Variants in PDE1C observed in about 807,000 individuals in gnomAD.
The protein encoded by PDE1C is phosphodiesterase 1C, also known as dual specificity calcium/calmodulin-dependent 3',5'-cyclic nucleotide phosphodiesterase 1C.
Under a neutral mutation model 93.1 loss-of-function variants are expected in PDE1C, and 62 were observed. That is an observed-to-expected ratio of 0.67 (90% confidence interval 0.54 to 0.82). The LOEUF (loss-of-function observed/expected upper bound fraction) is 0.82. Among genes scored for constraint, PDE1C ranks in the 40% least tolerant of loss-of-function variants. The pLI is 0.00. For synonymous variants in PDE1C, 325 were observed against 310.1 expected, an observed-to-expected ratio of 1.05 and a Z score of -0.50; for missense variants, 742 against 884.6, an observed-to-expected ratio of 0.84 and a Z score of 2.04.
intron 2 of PDE1C, among the ~76,000 whole-genome samples, chr7:31,934,353 C>T (rs2128987203): frequency 6.6e-6 from 1 of 152,214 alleles, no homozygotes; most frequent in African/African-American, 2.4e-5. Flanking sequence ...AGGTTCTTAG[C>T]CTTAGTTTAT....
At chr7:32,145,239 A>G (rs905092583) in intron 3 of PDE1C, among the ~76,000 whole-genome samples, 3 of 152,188 alleles carry the variant, frequency 2.0e-5, no homozygotes, top group Admixed American at 6.5e-5. Context: ...GGAACGAGGG[A>G]CCTGAGCCAA....
rs78405155 is a variant in PDE1C at position 32,139,120 on chromosome 7, T to C, written c.308+30665A>G. 6.6e-5 allele frequency among the ~76,000 whole-genome samples: 10 copies of C among 151,962 alleles called. No individual in the cohort carries two copies. In the East Asian group the frequency reaches 1.9e-3, roughly 29 times the overall value. On this transcript the variant is annotated intron_variant, in intron 3 of 18. Coordinates refer to the PDE1C transcript ENST00000396193. ...CAGATACCTCTATCCTGGTGGAAAT[T>C]TGAAAAGAGGGAGTAATCAATCTTT...
At chr7:31,754,327 C>G (rs905212913) in intron 17 of PDE1C, among the ~76,000 whole-genome samples, 1 of 152,156 alleles carries the variant, frequency 6.6e-6, no homozygotes, top group Non-Finnish European at 1.5e-5. Flanking sequence ...ACAGTTTGAC[C>G]GTTTCTTATG....
chr7:32,246,925 T>C (rs1809004636), intron 1 of PDE1C, among the ~76,000 whole-genome samples: 1 of 152,250 alleles, frequency 6.6e-6, no homozygotes, highest in African/African-American at 2.4e-5. Context: ...AGCACAATAC[T>C]ATGCACTGAG....
intron 2 of PDE1C, among the ~76,000 whole-genome samples, chr7:32,018,803 G>A (rs1191850525): frequency 1.3e-5 from 2 of 152,068 alleles, no homozygotes; most frequent in Admixed American, 1.3e-4. Flanking sequence ...TGCTTTAAAT[G>A]GGTGACTTTT....
intron 1 of PDE1C, among the ~76,000 whole-genome samples, chr7:32,316,320 A>G (rs1783170544): frequency 6.6e-6 from 1 of 152,226 alleles, no homozygotes; most frequent in Non-Finnish European, 1.5e-5. Context: ...GAGATGGTCC[A>G]TGTTTACCAA....
intron 1 of PDE1C, among the ~76,000 whole-genome samples, chr7:32,416,552 T>C (rs1159472872): frequency 3.9e-5 from 6 of 152,174 alleles, no homozygotes; most frequent in African/African-American, 1.2e-4. Flanking sequence ...AAACTTGTGA[T>C]TAAACTATAC....
intron 2 of PDE1C, among the ~76,000 whole-genome samples, chr7:31,971,239 T>C (rs1810914270): frequency 6.6e-6 from 1 of 152,192 alleles, no homozygotes; most frequent in Non-Finnish European, 1.5e-5. Context: ...TGCACTGAGC[T>C]CAACACTTTG....
At position 32,225,201 on chromosome 7, in the gene PDE1C, A is replaced by G. The variant is rs1211944112; in HGVS notation, c.86-15662T>C. Among the ~76,000 whole-genome samples the G allele has an allele frequency of 3.9e-5, 6 of 152,152 alleles. No individual in the cohort carries two copies. The East Asian group carries it at 1.2e-3, about 29-fold the overall frequency. On this transcript the variant is annotated intron_variant, in intron 1 of 18. Coordinates refer to the PDE1C transcript ENST00000396193. ...AGTGTCCCCTCTAAGACACTGAATG[A>G]CGTTAAGGGGTGGTGAGGCAGCCTG...
At chr7:32,190,165 A>T (rs1804140521) in intron 2 of PDE1C, among the ~76,000 whole-genome samples, 2 of 152,252 alleles carry the variant, frequency 1.3e-5, no homozygotes, top group South Asian at 4.1e-4. Flanking sequence ...CAATTATTTC[A>T]TGGGTTTCAA....
intron 2 of PDE1C, among the ~76,000 whole-genome samples, chr7:32,206,558 C>G (rs1805550662): frequency 6.6e-6 from 1 of 152,176 alleles, no homozygotes; most frequent in South Asian, 2.1e-4. Flanking sequence ...ACAGTGGGTT[C>G]CAGGAGCTCC....
At chr7:31,959,286 C>T (rs1808588704) in intron 2 of PDE1C, among the ~76,000 whole-genome samples, 1 of 152,158 alleles carries the variant, frequency 6.6e-6, no homozygotes, top group Admixed American at 6.5e-5. Context: ...TCTCGGCTCA[C>T]TGCAGCCTCT....
chr7:31,675,969 G>A, the PDE1C span, among the ~76,000 whole-genome samples: 1 of 152,146 alleles, frequency 6.6e-6, no homozygotes, highest in Non-Finnish European at 1.5e-5. Context: ...AGACATGGAA[G>A]AGAGTATCTA....
chr7:31,839,662 G>C (rs1343561461), intron 9 of PDE1C, among the ~76,000 whole-genome samples: 1 of 152,186 alleles, frequency 6.6e-6, no homozygotes, highest in Non-Finnish European at 1.5e-5. Flanking sequence ...ATAAATCTTT[G>C]TGTAGACACA....
chr7:32,112,844 G>A (rs201697471), intron 3 of PDE1C, among the ~76,000 whole-genome samples: 2,719 of 53,130 alleles, frequency 0.051, 31 homozygotes, highest in Middle Eastern at 0.076. Context: ...GTGTGTGTGT[G>A]TGTATATATA....
At chr7:32,105,561 C>T (rs1157803378) in intron 3 of PDE1C, among the ~76,000 whole-genome samples, 1 of 152,174 alleles carries the variant, frequency 6.6e-6, no homozygotes, top group East Asian at 1.9e-4. Flanking sequence ...AGGACATACA[C>T]TCCTCTTCCC....
chr7:31,873,511 T>C (rs1259279787), intron 5 of PDE1C, 103 bp from the exon 6 acceptor site: 1 of 713,024 alleles, frequency 1.4e-6, no homozygotes, highest in African/African-American at 1.8e-5. Context: ...ACTGGAGATT[T>C]CACAGTGTGA....
At chr7:32,315,673 G>A (rs748381779) in intron 1 of PDE1C, among the ~76,000 whole-genome samples, 33 of 152,192 alleles carry the variant, frequency 2.2e-4, no homozygotes, top group Non-Finnish European at 4.6e-4. Flanking sequence ...AGACATAGAT[G>A]TCTAAATTAC....
the PDE1C span, chr7:31,707,573 T>G: frequency 3.0e-6 from 1 of 332,202 alleles, no homozygotes; most frequent in Non-Finnish European, 5.5e-6. Flanking sequence ...TGGGGTTCGG[T>G]TTCTGCATCT....
Sources: gnomAD v4.1 joint callset for allele counts (sites outside exome capture counted in the v4.1 genomes callset) on GRCh38, gnomAD v4.1.1 for gene constraint, MANE v1.5 for transcripts, NCBI Gene and HGNC (gene_info 2026-07-23, HGNC 2026-07-21) for gene names.